PCDHA2: variants seen among roughly 807,000 people sequenced by gnomAD.
PCDHA2 encodes protocadherin alpha-2.
A neutral mutation model predicts 66.0 loss-of-function variants in PCDHA2; 58 were observed. The ratio of observed to expected loss-of-function variants is 0.88; its 90% CI spans 0.71 to 1.09. The LOEUF is 1.09. Among genes scored for constraint, PCDHA2 ranks in the 50% least tolerant of loss-of-function variants. PCDHA2 has a pLI of 0.00. For synonymous variants in PCDHA2, 634 were observed against 554.0 expected (o/e 1.14, Z -2.03); for missense variants, 1,267 against 1,242.3 (o/e 1.02, Z -0.30).
intron 1 of PCDHA2, among the ~76,000 whole-genome samples, chr5:140,975,996 C>G (rs923472287): frequency 4.6e-5 from 7 of 152,064 alleles, no homozygotes; most frequent in African/African-American, 1.7e-4. Flanking sequence ...GAGGTACCAT[C>G]TAAGTATTAA....
chr5:140,940,844 T>C (rs942965203), intron 1 of PCDHA2, among the ~76,000 whole-genome samples: 1 of 152,228 alleles, frequency 6.6e-6, no homozygotes. Flanking sequence ...TTCTTCACGA[T>C]AGATTTTTAT....
chr5:140,914,022 C>T (rs1157309436), intron 1 of PCDHA2, among the ~76,000 whole-genome samples: 2 of 152,134 alleles, frequency 1.3e-5, no homozygotes, highest in African/African-American at 2.4e-5. Context: ...GAATGATCCA[C>T]GTGCTGAGAA....
chr5:140,902,622 A>C (rs1328816868), intron 1 of PCDHA2, among the ~76,000 whole-genome samples: 2 of 152,068 alleles, frequency 1.3e-5, no homozygotes, highest in Non-Finnish European at 2.9e-5. Flanking sequence ...TGGGTAAGTT[A>C]TTTAGTGGTG....
chr5:140,796,286 T>A lies in PCDHA2; in HGVS notation c.1322T>A (p.Val441Glu), dbSNP rs1241984619. The change falls in exon 1 of 4, where the codon GTG (valine) becomes GAG (glutamate). Residue 441 changes from valine to glutamate, a missense_variant. By Grantham distance (121) the Val-to-Glu change is moderately radical. Coordinates refer to ENST00000526136, the MANE Select transcript of PCDHA2 (RefSeq NM_018905.3). ...GSPSLWATTS[V>E]SIEVADVNDN... ...CCTTCACTGTGGGCCACCACCAGCG[T>A]GTCCATCGAGGTGGCCGACGTGAAC... 6.2e-7 allele frequency: 1 copy of A among 1,614,152 alleles called. No individual in the cohort carries two copies. The highest frequency in any genetic ancestry group is 2.2e-5 in the East Asian group (1 of 44,892).
At chr5:140,896,140 C>A (rs1415728420) in intron 1 of PCDHA2, among the ~76,000 whole-genome samples, 6 of 152,140 alleles carry the variant, frequency 3.9e-5, no homozygotes, top group Non-Finnish European at 7.4e-5. Flanking sequence ...ATCCAGTGCA[C>A]CATTGATGGG....
At chr5:140,875,346 T>A in intron 1 of PCDHA2, 1 of 1,443,436 alleles carries the variant, frequency 6.9e-7, no homozygotes, top group Non-Finnish European at 9.1e-7. Flanking sequence ...GACTCCATAA[T>A]GACTGTGATG....
chr5:140,983,777 A>G (rs947937417), intron 3 of PCDHA2, among the ~76,000 whole-genome samples: 1 of 152,256 alleles, frequency 6.6e-6, no homozygotes, highest in Non-Finnish European at 1.5e-5. Context: ...ATCTACATAC[A>G]TAACAGATGA....
chr5:140,870,297 C>T, intron 1 of PCDHA2: 1 of 1,614,186 alleles, frequency 6.2e-7, no homozygotes, highest in Non-Finnish European at 8.5e-7. Context: ...AGCTGGTGTC[C>T]ACCTTCAAGA....
intron 1 of PCDHA2, chr5:140,968,630 TA>T: frequency 6.2e-7 from 1 of 1,614,192 alleles, no homozygotes; most frequent in Non-Finnish European, 8.5e-7. Flanking sequence ...TTGGCTTTTT[TA>T]CCATCTAGCC....
At chr5:140,836,779 AT>A (rs2150269832) in intron 1 of PCDHA2, 6 of 1,482,480 alleles carry the variant, frequency 4.0e-6, no homozygotes, top group Non-Finnish European at 5.5e-6. Context: ...TTTTAAAACA[AT>A]TAGTTCAATT....
In PCDHA2 at chr5:140,805,168, C is replaced by T. The variant is rs969521451; in HGVS notation, c.2388+7816C>T. The T allele has an allele frequency of 1.6e-5, 24 of 1,530,124 alleles. No homozygotes were observed. The African/African-American group carries it at 3.3e-4, about 21-fold the overall frequency. The allele number at this position is 1,530,124 out of a possible 1,614,324, so 94.8% of individuals were successfully genotyped here. ...TTGGAATTTTCACTTCACAGATGTACTGATGCTATGCCAAATAAATATTGA... is the reference window on the plus strand; with the variant it reads ...TTGGAATTTTCACTTCACAGATGTATTGATGCTATGCCAAATAAATATTGA... On this transcript the variant is annotated intron_variant, in intron 1 of 3. Transcript: ENST00000526136.
chr5:140,832,775 G>A (rs1250232820), intron 1 of PCDHA2, among the ~76,000 whole-genome samples: 1 of 152,166 alleles, frequency 6.6e-6, no homozygotes, highest in Non-Finnish European at 1.5e-5. Flanking sequence ...TGTAAGAGGT[G>A]CTAGAAAGGT....
At chr5:140,920,718 C>A (rs183020461) in intron 1 of PCDHA2, among the ~76,000 whole-genome samples, 3 of 152,168 alleles carry the variant, frequency 2.0e-5, no homozygotes, top group East Asian at 3.9e-4. Context: ...GTGGTGTGCG[C>A]CTGCAGTCCC....
At chr5:140,880,944 G>A (rs1256173059) in intron 1 of PCDHA2, among the ~76,000 whole-genome samples, 2 of 152,198 alleles carry the variant, frequency 1.3e-5, no homozygotes, top group African/African-American at 4.8e-5. Context: ...AATGGAGCAG[G>A]AGAGGATGAT....
Position 140,842,238 on chromosome 5 carries a change from G to A in PCDHA2, c.2388+44886G>A, listed in dbSNP as rs1554138909. ...AATACGGGAGAAATAGTGATTCGGG[G>A]TAATTTGGATTTTGAACAAGAAAAC... On this transcript the variant is annotated intron_variant, in intron 1 of 3. Coordinates refer to ENST00000526136, the MANE Select transcript of PCDHA2 (RefSeq NM_018905.3). 6.2e-6 allele frequency: 10 copies of A among 1,612,562 alleles called. No homozygotes were observed. Among genetic ancestry groups the A allele is most frequent in the South Asian group, 2.2e-5 (2 of 91,028 alleles).
At chr5:140,935,665 T>C (rs2090490152) in intron 1 of PCDHA2, among the ~76,000 whole-genome samples, 1 of 152,182 alleles carries the variant, frequency 6.6e-6, no homozygotes, top group Non-Finnish European at 1.5e-5. Context: ...TCTTTTATAA[T>C]TATGTGAAAT....
At chr5:140,918,129 T>C (rs1299993749) in intron 1 of PCDHA2, among the ~76,000 whole-genome samples, 2 of 152,198 alleles carry the variant, frequency 1.3e-5, no homozygotes, top group African/African-American at 2.4e-5. Flanking sequence ...GCCATATTCC[T>C]AGGTATTTTC....
At chr5:140,944,907 T>A (rs246063) in intron 1 of PCDHA2, among the ~76,000 whole-genome samples, 85,748 of 151,952 alleles carry the variant, frequency 0.56, 24,800 homozygotes, top group African/African-American at 0.69. Flanking sequence ...TTCCACAAAC[T>A]TCTCTTTATA....
intron 1 of PCDHA2, among the ~76,000 whole-genome samples, chr5:140,959,259 C>T (rs781794121): frequency 4.6e-5 from 7 of 152,040 alleles, no homozygotes; most frequent in African/African-American, 7.2e-5. Flanking sequence ...TGACTGTAGT[C>T]CCAGCTACCC....
Sources: gnomAD v4.1 joint callset for allele counts (sites outside exome capture counted in the v4.1 genomes callset) on GRCh38, gnomAD v4.1.1 for gene constraint, MANE v1.5 for transcripts, NCBI Gene and HGNC (gene_info 2026-07-23, HGNC 2026-07-21) for gene names.